MAP2K5: variants seen among roughly 807,000 people sequenced by gnomAD.
MAP2K5 encodes dual specificity mitogen-activated protein kinase kinase 5.
Under a neutral mutation model 83.1 loss-of-function variants are expected in MAP2K5, and 49 were observed. The observed-to-expected ratio is 0.59, with a 90% CI of 0.47 to 0.75. The LOEUF (loss-of-function observed/expected upper bound fraction) is 0.75, where lower values mean the gene tolerates loss of function less well. MAP2K5 is among the 30% of genes least tolerant of loss of function. MAP2K5 has a pLI of 0.00. For missense variants in MAP2K5, 457 were observed against 557.5 expected, an observed-to-expected ratio of 0.82 and a Z score of 1.82; for synonymous variants, 202 against 191.8, an observed-to-expected ratio of 1.05 and a Z score of -0.44.
intron 16 of MAP2K5, among the ~76,000 whole-genome samples, chr15:67,726,821 G>T (rs1020746677): frequency 6.6e-6 from 1 of 152,214 alleles, no homozygotes; most frequent in African/African-American, 2.4e-5. Flanking sequence ...TGTAAATGAT[G>T]TCAGGACTGA....
chr15:67,801,392 G>A lies in MAP2K5; in HGVS notation c.1243-5254G>A, dbSNP rs573149942. Among the ~76,000 whole-genome samples the A allele has an allele frequency of 9.2e-5, 14 of 152,258 alleles. No individual in the cohort carries two copies. The highest frequency in any genetic ancestry group is 3.4e-4 in the African/African-American group (14 of 41,550). ...GCTTCAACAGGTTCATGAGTCCTTG[G>A]CCTCCTATCCCATGCAGCATCCTTG... On this transcript the variant is annotated intron_variant, in intron 21 of 21. Coordinates refer to ENST00000178640, the MANE Select transcript of MAP2K5 (RefSeq NM_145160.3). The surrounding 1 kb of genome is among the most constrained non-coding windows in gnomAD (Gnocchi z 4.8).
At chr15:67,704,513 G>T (rs1289836231) in intron 16 of MAP2K5, among the ~76,000 whole-genome samples, 1 of 152,126 alleles carries the variant, frequency 6.6e-6, no homozygotes, top group South Asian at 2.1e-4. Flanking sequence ...TGTAATGCAT[G>T]AATGCAATTG....
At chr15:67,578,484 C>T (rs564076989) in intron 3 of MAP2K5, among the ~76,000 whole-genome samples, 1 of 152,242 alleles carries the variant, frequency 6.6e-6, no homozygotes, top group South Asian at 2.1e-4. Context: ...ATAAGCTTCT[C>T]TATTAATACA....
intron 8 of MAP2K5, among the ~76,000 whole-genome samples, chr15:67,616,838 A>G (rs1409924897): frequency 6.6e-6 from 1 of 152,188 alleles, no homozygotes; most frequent in Non-Finnish European, 1.5e-5. Flanking sequence ...TTATTTTCTT[A>G]GGTTTCCTAT....
rs76014331 is a variant in MAP2K5, at chr15:67,802,346, T to G, written c.1243-4300T>G. Among the ~76,000 whole-genome samples the G allele has an allele frequency of 2.0e-5, 3 of 152,384 alleles. No individual in the cohort carries two copies. In the East Asian group the frequency reaches 5.8e-4, roughly 29 times the overall value. On this transcript the variant is annotated intron_variant, in intron 21 of 21. Transcript: ENST00000178640. The surrounding 1 kb of genome is among the most constrained non-coding windows in gnomAD (Gnocchi z 5.0). ...ATATTTTCACCAATGTCCCTCATTGTGCTTCTCAGCCCTGTTGGTGAGGGT... is the reference window on the plus strand; with the variant it reads ...ATATTTTCACCAATGTCCCTCATTGGGCTTCTCAGCCCTGTTGGTGAGGGT...
At chr15:67,806,293 T>G (rs2090804182) in intron 21 of MAP2K5, among the ~76,000 whole-genome samples, 1 of 152,258 alleles carries the variant, frequency 6.6e-6, no homozygotes, top group African/African-American at 2.4e-5. Context: ...AGGCCTCGGC[T>G]GACTGGCCGT....
At chr15:67,570,159 A>G (rs1195653831) in intron 3 of MAP2K5, among the ~76,000 whole-genome samples, 1 of 152,250 alleles carries the variant, frequency 6.6e-6, no homozygotes, top group Non-Finnish European at 1.5e-5. Context: ...TTTGAATTTC[A>G]TCTGCTATTG....
intron 15 of MAP2K5, among the ~76,000 whole-genome samples, chr15:67,697,506 A>G (rs2141208680): frequency 6.6e-6 from 1 of 152,268 alleles, no homozygotes; most frequent in South Asian, 2.1e-4. Context: ...CATTATACCC[A>G]TATTATTTAT....
At chr15:67,767,759 G>A (rs1277414560) in intron 19 of MAP2K5, among the ~76,000 whole-genome samples, 1 of 152,048 alleles carries the variant, frequency 6.6e-6, no homozygotes, top group African/African-American at 2.4e-5. Context: ...ATGCTATTTT[G>A]TGTCTTGTTT....
chr15:67,564,853 T>A (rs919950861), intron 3 of MAP2K5, among the ~76,000 whole-genome samples: 1 of 152,228 alleles, frequency 6.6e-6, no homozygotes, highest in Non-Finnish European at 1.5e-5. Context: ...TCATTATGTA[T>A]TCAACTTAAC....
intron 12 of MAP2K5, among the ~76,000 whole-genome samples, chr15:67,662,623 A>C (rs1029976278): frequency 6.6e-6 from 1 of 152,164 alleles, no homozygotes; most frequent in African/African-American, 2.4e-5. Flanking sequence ...TTTATACATA[A>C]AGATTTTTTA....
At chr15:67,629,708 G>C (rs1052993046) in intron 8 of MAP2K5, among the ~76,000 whole-genome samples, 18 of 151,908 alleles carry the variant, frequency 1.2e-4, no homozygotes, top group Non-Finnish European at 2.2e-4. Context: ...TACCAGATGA[G>C]AGGAAGAGCC....
intron 8 of MAP2K5, among the ~76,000 whole-genome samples, chr15:67,625,954 T>G (rs976140412): frequency 6.6e-6 from 1 of 152,218 alleles, no homozygotes; most frequent in African/African-American, 2.4e-5. Flanking sequence ...TATCTGCTAA[T>G]CATTTTCTTA....
rs1025836153 is a variant in MAP2K5, at chr15:67,717,555, C to T, written c.1045-10361C>T. 3.9e-5 allele frequency among the ~76,000 whole-genome samples: 6 copies of T among 152,162 alleles called. No homozygotes were observed. In the South Asian group the frequency reaches 8.3e-4, roughly 21 times the overall value. ...GAGAAAGCATTTCAGTTATTGATTACTGCTTAATAACCTACCCAAAATTAG... is the reference window on the plus strand; with the variant it reads ...GAGAAAGCATTTCAGTTATTGATTATTGCTTAATAACCTACCCAAAATTAG... On this transcript the variant is annotated intron_variant, in intron 16 of 21. Coordinates refer to ENST00000178640, the MANE Select transcript of MAP2K5 (RefSeq NM_145160.3). The surrounding 1 kb of genome is among the most constrained non-coding windows in gnomAD (Gnocchi z 4.1).
intron 21 of MAP2K5, among the ~76,000 whole-genome samples, chr15:67,800,842 T>C (rs549770407): frequency 6.6e-6 from 1 of 152,334 alleles, no homozygotes; most frequent in Non-Finnish European, 1.5e-5. Flanking sequence ...GCAGCCCTCC[T>C]AGCCCATGCT....
Position 67,646,463 on chromosome 15 carries a change from A to G in MAP2K5, c.730A>G (p.Met244Val). Residue 244 changes from methionine (M) to valine (V), a missense_variant, in exon 11 of 22, where the codon ATG (methionine) becomes GTG (valine). Transcript: ENST00000178640. The stretch of plus-strand genomic sequence containing the variant: ...CAGGATTTCAATATGTACAGAATTC[A>G]TGGATGGTGAGTTTTCCCTTTTATA... Reference protein sequence around the residue: ...ENRISICTEFMDGGSLDVYRK... With the variant: ...ENRISICTEFVDGGSLDVYRK... The G allele has an allele frequency of 6.4e-7, 1 of 1,572,590 alleles. No homozygotes were observed. Among genetic ancestry groups the G allele is most frequent in the Non-Finnish European group, 8.7e-7 (1 of 1,149,054 alleles).
chr15:67,559,306 G>A lies in MAP2K5; in HGVS notation c.185-3977G>A, dbSNP rs1001274967. On this transcript the variant is annotated intron_variant, in intron 2 of 21. Transcript: ENST00000178640. This position sits in a 1 kb window ranked among gnomAD's most constrained non-coding sequence, Gnocchi z 4.7. Reference sequence around the variant, plus strand: ...TTGTTTCTCTTGAAAGCCTTCTTGAGCCCCTGTCACTGCAGTGGGTGCTGT... The same window carrying A: ...TTGTTTCTCTTGAAAGCCTTCTTGAACCCCTGTCACTGCAGTGGGTGCTGT... 6.6e-6 allele frequency among the ~76,000 whole-genome samples: 1 copy of A among 152,142 alleles called. No homozygotes were observed. The highest frequency in any genetic ancestry group is 1.5e-5 in the Non-Finnish European group (1 of 68,038).
chr15:67,629,015 T>G, intron 8 of MAP2K5: 1 of 757,416 alleles, frequency 1.3e-6, no homozygotes, highest in Non-Finnish European at 2.4e-6. Flanking sequence ...GAGGAAACTT[T>G]GGAGGCAGAA....
intron 16 of MAP2K5, among the ~76,000 whole-genome samples, chr15:67,706,385 T>G (rs2088554597): frequency 6.6e-6 from 1 of 152,160 alleles, no homozygotes; most frequent in African/African-American, 2.4e-5. Context: ...TATAGAGAAC[T>G]CTGTGAAAAA....
Sources: gnomAD v4.1 joint callset for allele counts (sites outside exome capture counted in the v4.1 genomes callset) on GRCh38, gnomAD v4.1.1 for gene constraint, Gnocchi (gnomAD v3.1) non-coding constraint, MANE v1.5 for transcripts, NCBI Gene and HGNC (gene_info 2026-07-23, HGNC 2026-07-21) for gene names.